FHAD1: variants seen among roughly 807,000 people sequenced by gnomAD.
FHAD1 encodes forkhead associated phosphopeptide binding domain 1.
In FHAD1, 146 loss-of-function variants were observed where a neutral mutation model predicts 191.3. The ratio of observed to expected loss-of-function variants is 0.76; its 90% CI spans 0.67 to 0.88. FHAD1 has a LOEUF of 0.88. Ranked by LOEUF, FHAD1 falls within the 40% of genes least tolerant of loss-of-function variation. FHAD1 has a pLI of 0.00. For synonymous variants in FHAD1, 616 were observed against 672.3 expected, an observed-to-expected ratio of 0.92 and a Z score of 1.29; for missense variants, 1,635 against 1,785.8, an observed-to-expected ratio of 0.92 and a Z score of 1.52.
chr1:15,353,314 TCCGA>T (rs985237232), intron 20 of FHAD1, among the ~76,000 whole-genome samples: 2 of 152,086 alleles, frequency 1.3e-5, no homozygotes, highest in African/African-American at 4.8e-5. Flanking sequence ...AGGGACAGGA[TCCGA>T]AGCCTGGACT....
chr1:15,280,687 G>A (rs1310199101), intron 3 of FHAD1, among the ~76,000 whole-genome samples: 1 of 152,136 alleles, frequency 6.6e-6, no homozygotes, highest in Non-Finnish European at 1.5e-5. Context: ...TCATGCATTG[G>A]TTCATTCAGT....
Position 15,324,490 on chromosome 1 carries a change from G to A in FHAD1, c.1404G>A (p.Leu468=). 6.4e-7 allele frequency: 1 copy of A among 1,552,248 alleles called. No individual in the cohort carries two copies. Among genetic ancestry groups the A allele is most frequent in the Non-Finnish European group, 8.7e-7 (1 of 1,147,106 alleles). Residue 468 remains leucine, a synonymous_variant, in exon 11 of 34, where the codon TTG becomes TTA. Transcript: ENST00000688493. The part of the protein sequence containing the change: ...EKLQEDSRRK[L]LQLQEMGNRE... ...TTCAGGAGGATTCCAGAAGGAAATT[G>A]CTTCAGCTGCAAGAAATGGGGAACA...
At chr1:15,385,033 C>G (rs921775461) in intron 31 of FHAD1, among the ~76,000 whole-genome samples, 5 of 152,012 alleles carry the variant, frequency 3.3e-5, no homozygotes, top group African/African-American at 1.2e-4. Context: ...ATCACCATTT[C>G]TCTCGGGGTT....
chr1:15,319,659 T>C (rs1241303714), intron 10 of FHAD1, among the ~76,000 whole-genome samples: 2 of 152,090 alleles, frequency 1.3e-5, no homozygotes, highest in African/African-American at 2.4e-5. Flanking sequence ...TTGTAAAATA[T>C]AATATGGGGA....
intron 2 of FHAD1, among the ~76,000 whole-genome samples, chr1:15,264,064 T>A (rs1362419207): frequency 6.6e-6 from 1 of 152,230 alleles, no homozygotes; most frequent in Non-Finnish European, 1.5e-5. Context: ...CCAGGAAGTA[T>A]GACACTTCCA....
In FHAD1 at chr1:15,381,557, C is replaced by T. The variant is rs1700910204; in HGVS notation, c.4022+106C>T. The T allele has an allele frequency of 4.8e-6, 4 of 833,716 alleles. No homozygotes were observed. The East Asian group carries it at 1.1e-4, about 22-fold the overall frequency. The allele number at this position is 833,716 out of a possible 1,614,324, so 51.6% of individuals were successfully genotyped here. A position where few individuals can be genotyped will look rare whatever the true frequency, so the allele number is the denominator to read the frequency against. ...TAGGCCTGGGACAGGAGGACAGAGA[C>T]CCACGTGTGGAATACCTGCAATGTC... On this transcript the variant is annotated intron_variant, in intron 30 of 33. Coordinates refer to ENST00000688493, the MANE Select transcript of FHAD1 (RefSeq NM_001391957.1). This position sits in a 1 kb window ranked among gnomAD's most constrained non-coding sequence, Gnocchi z 4.6.
At position 15,324,440 on chromosome 1, in the gene FHAD1, T is replaced by A. The variant is rs1168914933; in HGVS notation, c.1366-12T>A. 7 of 1,541,772 alleles carry A rather than the reference T, an allele frequency of 4.5e-6. No homozygotes were observed. The highest frequency in any genetic ancestry group is 6.2e-6 in the Non-Finnish European group (7 of 1,137,664). Reference sequence around the variant, plus strand: ...CATTAGCAGCAAGTACTCGCTTTCATCGTCATTTCAGGTTGAAGAGAAGCT... The same window carrying A: ...CATTAGCAGCAAGTACTCGCTTTCAACGTCATTTCAGGTTGAAGAGAAGCT... On this transcript the variant is annotated splice_polypyrimidine_tract_variant and intron_variant, in intron 10 of 33. Transcript: ENST00000688493.
Position 15,374,540 on chromosome 1 carries a change from G to A in FHAD1, c.3486G>A (p.Gly1162=), listed in dbSNP as rs1181060866. 4 of 1,551,746 alleles carry A rather than the reference G, an allele frequency of 2.6e-6. No homozygotes were observed. The Admixed American group carries it at 7.8e-5, about 30-fold the overall frequency. Residue 1162 remains glycine, a synonymous_variant, in exon 27 of 34, where the codon GGG becomes GGA. Transcript: ENST00000688493. ...SFSDLGVRCK[G]SRHEEVIQRQ... is the part of the protein sequence containing the mutation. The stretch of plus-strand genomic sequence containing the variant: ...GCGATCTAGGGGTCAGGTGCAAAGG[G>A]TCCCGGCACGAGGAGGTCATTCAGC...
rs139281527 is a variant in FHAD1 at position 15,241,247 on chromosome 1, A to G, written c.-15+4486A>G. ...AGAATGAATGAACCACAGCTACTTG[A>G]AGAGACATGCTTGACTTTGGGAGAT... On this transcript the variant is annotated intron_variant, in intron 1 of 33. Coordinates refer to the FHAD1 transcript ENST00000683790. Among the ~76,000 whole-genome samples, 274 of 152,368 alleles carry G rather than the reference A, an allele frequency of 1.8e-3. 1 individual carries two copies. The highest frequency in any genetic ancestry group is 6.2e-3 in the African/African-American group (257 of 41,580).
chr1:15,306,823 T>C (rs1036153748), intron 6 of FHAD1, among the ~76,000 whole-genome samples: 7 of 152,204 alleles, frequency 4.6e-5, no homozygotes, highest in Admixed American at 2.6e-4. Context: ...TGCTGTGGGG[T>C]CGGGGCCCTC....
intron 4 of FHAD1, among the ~76,000 whole-genome samples, chr1:15,293,316 C>T (rs1467679792): frequency 2.0e-5 from 3 of 152,208 alleles, no homozygotes; most frequent in African/African-American, 7.2e-5. Flanking sequence ...TTAGAGACTC[C>T]TGTTCTAGAT....
At chr1:15,313,933 G>A (rs910616154) in intron 8 of FHAD1, among the ~76,000 whole-genome samples, 4 of 151,864 alleles carry the variant, frequency 2.6e-5, no homozygotes, top group Admixed American at 1.3e-4. Flanking sequence ...TTAGCCAGGC[G>A]CCTGTAATCC....
intron 33 of FHAD1, among the ~76,000 whole-genome samples, chr1:15,396,822 T>C (rs907817442): frequency 6.6e-6 from 1 of 151,116 alleles, no homozygotes; most frequent in African/African-American, 2.4e-5. Flanking sequence ...AAAATAATAA[T>C]AATAAGTAAA....
chr1:15,390,928 CTGGG>C (rs973733853), intron 32 of FHAD1, among the ~76,000 whole-genome samples: 1 of 152,098 alleles, frequency 6.6e-6, no homozygotes, highest in African/African-American at 2.4e-5. Context: ...CTCACAGGCC[CTGGG>C]TTGAGCAGCC....
intron 4 of FHAD1, among the ~76,000 whole-genome samples, chr1:15,294,565 G>A (rs369072791): frequency 6.6e-6 from 1 of 152,128 alleles, no homozygotes; most frequent in Non-Finnish European, 1.5e-5. Context: ...GCTAATTTTT[G>A]TATTTTTAGT....
At chr1:15,393,626 C>G (rs1324509385) in intron 33 of FHAD1, among the ~76,000 whole-genome samples, 6 of 150,788 alleles carry the variant, frequency 4.0e-5, no homozygotes, top group Non-Finnish European at 8.9e-5. Context: ...TTTTGGAGAC[C>G]GTGTCTTGCT....
intron 33 of FHAD1, chr1:15,393,108 T>C (rs1442572871): frequency 6.9e-6 from 1 of 145,324 alleles, no homozygotes; most frequent in Admixed American, 7.1e-5. Context: ...AGAGTCTTGC[T>C]CTATTGCCCA....
chr1:15,269,171 TGA>T (rs1381303783), intron 2 of FHAD1, among the ~76,000 whole-genome samples: 6 of 152,148 alleles, frequency 3.9e-5, no homozygotes, highest in Non-Finnish European at 7.4e-5. Flanking sequence ...CATTCATTTC[TGA>T]TCTAATATTT....
chr1:15,263,676 C>T (rs1168516283), intron 2 of FHAD1, among the ~76,000 whole-genome samples: 1 of 151,944 alleles, frequency 6.6e-6, no homozygotes, highest in East Asian at 1.9e-4. Flanking sequence ...CACCTGCCAC[C>T]ACGCCCAACT....
Sources: allele counts gnomAD v4.1 joint callset (sites outside exome capture counted in the v4.1 genomes callset), GRCh38; gene constraint gnomAD v4.1.1; non-coding constraint Gnocchi (gnomAD v3.1); transcripts MANE v1.5; gene names NCBI Gene and HGNC (gene_info 2026-07-23, HGNC 2026-07-21).